The following PCDHGA1 variants were observed in gnomAD, a reference collection of about 807,000 sequenced individuals.
The protein encoded by PCDHGA1 is protocadherin gamma-A1.
Under a neutral mutation model 58.0 loss-of-function variants are expected in PCDHGA1, and 32 were observed. The ratio of observed to expected loss-of-function variants is 0.55; its 90% CI spans 0.42 to 0.74. PCDHGA1 has a LOEUF of 0.74. Ranked by LOEUF, PCDHGA1 falls within the 30% of genes least tolerant of loss-of-function variation. The pLI is 0.00. For synonymous variants in PCDHGA1, 498 were observed against 501.1 expected (o/e 0.99, Z 0.08); for missense variants, 1,205 against 1,182.3 (o/e 1.02, Z -0.28).
rs143779180 is a variant in PCDHGA1 at position 141,485,438 on chromosome 5, C to A, written c.2422-9369C>A. The A allele has an allele frequency of 9.9e-6, 16 of 1,614,170 alleles. No individual in the cohort carries two copies. The African/African-American group carries it at 1.3e-4, about 13-fold the overall frequency. Reference sequence around the variant, plus strand: ...CAGCGGAGCCCTGCTCATCAAGAACCCAATCGACCGAGAGGCACTGTGTGG... The same window carrying A: ...CAGCGGAGCCCTGCTCATCAAGAACACAATCGACCGAGAGGCACTGTGTGG... On this transcript the variant is annotated intron_variant, in intron 1 of 3. Coordinates refer to ENST00000517417, the MANE Select transcript of PCDHGA1 (RefSeq NM_018912.3). The surrounding 1 kb of genome is among the most constrained non-coding windows in gnomAD (Gnocchi z 5.7).
At chr5:141,351,878 G>A (rs752047664) in intron 1 of PCDHGA1, 2 of 1,613,298 alleles carry the variant, frequency 1.2e-6, no homozygotes, top group Non-Finnish European at 1.7e-6. Context: ...CGCGCTCAGC[G>A]CCAACGTGAG....
At chr5:141,430,946 G>A (rs2097328634) in intron 1 of PCDHGA1, 1 of 1,609,494 alleles carries the variant, frequency 6.2e-7, no homozygotes, top group Non-Finnish European at 8.5e-7. Flanking sequence ...CGCGGAGCGC[G>A]GAGTCCGCAT....
intron 1 of PCDHGA1, chr5:141,404,380 C>T (rs777340976): frequency 1.9e-6 from 3 of 1,613,916 alleles, no homozygotes; most frequent in Non-Finnish European, 2.5e-6. Context: ...CCGTGATTGC[C>T]TATGACCCTG....
At chr5:141,385,921 T>C (rs1283836532) in intron 1 of PCDHGA1, 1 of 152,286 alleles carries the variant, frequency 6.6e-6, no homozygotes. Context: ...CTAAGATCTA[T>C]ATCAAAGACA....
At chr5:141,475,146 G>A (rs938308425) in intron 1 of PCDHGA1, among the ~76,000 whole-genome samples, 3 of 152,014 alleles carry the variant, frequency 2.0e-5, no homozygotes, top group African/African-American at 4.8e-5. Context: ...AATCTTCTCC[G>A]TCTTCTTCTT....
Position 141,490,046 on chromosome 5 carries a change from C to A in PCDHGA1, c.2422-4761C>A, listed in dbSNP as rs2099695274. ...CTGCTCCGCCTCAATGCCACTGATC[C>A]AGACGAGGGCACCAACGGCCAACTA... On this transcript the variant is annotated intron_variant, in intron 1 of 3. Transcript: ENST00000517417. This position sits in a 1 kb window ranked among gnomAD's most constrained non-coding sequence, Gnocchi z 5.4. 1 of 1,614,094 alleles carries A rather than the reference C, an allele frequency of 6.2e-7. No individual in the cohort carries two copies.
chr5:141,376,522 G>A (rs767035645), intron 1 of PCDHGA1: 18 of 1,613,784 alleles, frequency 1.1e-5, no homozygotes, highest in Non-Finnish European at 1.5e-5. Flanking sequence ...GTTTCTTTCC[G>A]CCTAAGCGGG....
At chr5:141,338,868 C>T (rs1588445140) in intron 1 of PCDHGA1, 2 of 1,444,468 alleles carry the variant, frequency 1.4e-6, no homozygotes, top group East Asian at 2.5e-5. Context: ...TCCATAGGGA[C>T]CTGGGTCCCG....
At position 141,491,566 on chromosome 5, in the gene PCDHGA1, A is replaced by G; in HGVS notation, c.2422-3241A>G. Reference sequence around the variant, plus strand: ...AGACTCGCAGAGCCACTGCTACAGGACGTGCTTTTCACCGGCCTCGGACGG... The same window carrying G: ...AGACTCGCAGAGCCACTGCTACAGGGCGTGCTTTTCACCGGCCTCGGACGG... On this transcript the variant is annotated intron_variant, in intron 1 of 3. Transcript: ENST00000517417. This position sits in a 1 kb window ranked among gnomAD's most constrained non-coding sequence, Gnocchi z 6.9. 1 of 1,613,950 alleles carries G rather than the reference A, an allele frequency of 6.2e-7. No individual in the cohort carries two copies.
chr5:141,415,487 A>C, intron 1 of PCDHGA1: 1 of 1,614,170 alleles, frequency 6.2e-7, no homozygotes, highest in Non-Finnish European at 8.5e-7. Context: ...CGAAAGAGTC[A>C]CCTGATCTTC....
chr5:141,342,101 A>G (rs1385005214), intron 1 of PCDHGA1: 1 of 54,256 alleles, frequency 1.8e-5, no homozygotes, highest in Admixed American at 1.9e-4. Context: ...GGTAATAAAC[A>G]GGTTTCTCCT....
chr5:141,476,699 G>C lies in PCDHGA1; in HGVS notation c.2422-18108G>C. 1 of 1,614,222 alleles carries C rather than the reference G, an allele frequency of 6.2e-7. No individual in the cohort carries two copies. The highest frequency in any genetic ancestry group is 8.5e-7 in the Non-Finnish European group (1 of 1,180,042). ...GCGGGAGGACAGCACCAAGTACGCG[G>C]AGCTGGTGTTGGAGCGCGCCCTGGA... is the stretch of plus-strand genomic sequence containing the variant. On this transcript the variant is annotated intron_variant, in intron 1 of 3. Transcript: ENST00000517417. The surrounding 1 kb of genome is among the most constrained non-coding windows in gnomAD (Gnocchi z 7.6).
chr5:141,511,241 C>A lies in PCDHGA1; in HGVS notation c.*68C>A. On this transcript the variant is annotated 3_prime_UTR_variant, in exon 4 of 4. Coordinates refer to ENST00000517417, the MANE Select transcript of PCDHGA1 (RefSeq NM_018912.3). ...CCAGCCCAGCTTCTCCTTACCTGCA[C>A]CCAGGCCTCAGAGTTTCAGGGCTAA... 1 of 1,585,212 alleles carries A rather than the reference C, an allele frequency of 6.3e-7. No individual in the cohort carries two copies. The highest frequency in any genetic ancestry group is 8.6e-7 in the Non-Finnish European group (1 of 1,165,762).
chr5:141,393,103 C>A lies in PCDHGA1; in HGVS notation c.2421+59998C>A, dbSNP rs776552182. On this transcript the variant is annotated intron_variant, in intron 1 of 3. Coordinates refer to ENST00000517417, the MANE Select transcript of PCDHGA1 (RefSeq NM_018912.3). ...AGGATAGATCGGGAGGAGCTCTGCGCTCAGAGCCCGCGGTGTCTGATAAAT... is the reference window on the plus strand; with the variant it reads ...AGGATAGATCGGGAGGAGCTCTGCGATCAGAGCCCGCGGTGTCTGATAAAT... The A allele has an allele frequency of 3.2e-5, 51 of 1,613,464 alleles. No homozygotes were observed. Among genetic ancestry groups the A allele is most frequent in the South Asian group, 1.5e-4 (14 of 91,088 alleles).
At chr5:141,399,821 C>T in intron 1 of PCDHGA1, 1 of 1,613,210 alleles carries the variant, frequency 6.2e-7, no homozygotes, top group Non-Finnish European at 8.5e-7. Flanking sequence ...GCGCTGGGTC[C>T]CGACGGCTCT....
At chr5:141,340,350 A>G (rs1756935508) in intron 1 of PCDHGA1, 18 of 1,614,102 alleles carry the variant, frequency 1.1e-5, no homozygotes, top group Non-Finnish European at 1.5e-5. Context: ...TACTCCACCT[A>G]CATTCCCGAA....
intron 1 of PCDHGA1, chr5:141,422,846 A>T: frequency 2.5e-6 from 4 of 1,614,102 alleles, no homozygotes; most frequent in Non-Finnish European, 3.4e-6. Flanking sequence ...GACAGCGGGG[A>T]CCCGCCCCTC....
chr5:141,508,721 G>A (rs1266581528), intron 3 of PCDHGA1, among the ~76,000 whole-genome samples: 1 of 151,930 alleles, frequency 6.6e-6, no homozygotes, highest in Non-Finnish European at 1.5e-5. Flanking sequence ...TCTGTGTGCA[G>A]GGAGACTACA....
At chr5:141,365,972 C>A (rs1287343424) in intron 1 of PCDHGA1, 1 of 1,614,232 alleles carries the variant, frequency 6.2e-7, no homozygotes, top group Admixed American at 1.7e-5. Context: ...CAACGTGTCG[C>A]TGAGCCTGTT....
Sources: allele counts gnomAD v4.1 joint callset (sites outside exome capture counted in the v4.1 genomes callset), GRCh38; gene constraint gnomAD v4.1.1; non-coding constraint Gnocchi (gnomAD v3.1); transcripts MANE v1.5; gene names NCBI Gene and HGNC (gene_info 2026-07-23, HGNC 2026-07-21).